Variants in FAT4 observed in about 807,000 individuals in gnomAD.
FAT4 encodes the protein protocadherin Fat 4.
FAT4 carries 84 observed loss-of-function variants against 303.9 expected under a neutral mutation model. That is an observed-to-expected ratio of 0.28 (90% CI 0.23 to 0.33). The LOEUF (loss-of-function observed/expected upper bound fraction) is 0.33. FAT4 is among the 10% of genes least tolerant of loss of function. The probability of loss-of-function intolerance (pLI) is 1.00; values close to 1 mark genes in which losing one functional copy is unlikely to be tolerated. For synonymous variants in FAT4, 2,307 were observed against 2,298.8 expected, an observed-to-expected ratio of 1.00 and a Z score of -0.10; for missense variants, 6,005 against 6,146.8, an observed-to-expected ratio of 0.98 and a Z score of 0.77.
chr4:125,422,347 G>A (rs1724932404), intron 7 of FAT4, among the ~76,000 whole-genome samples: 1 of 152,270 alleles, frequency 6.6e-6, no homozygotes, highest in East Asian at 1.9e-4. Context: ...GTTTGCCTGT[G>A]TGTCCACCAA....
At chr4:125,365,285 G>A (rs1732833773) in intron 2 of FAT4, among the ~76,000 whole-genome samples, 1 of 152,144 alleles carries the variant, frequency 6.6e-6, no homozygotes, top group Admixed American at 6.5e-5. Context: ...GAGCACAACA[G>A]AGAAGTCTAG....
intron 8 of FAT4, among the ~76,000 whole-genome samples, chr4:125,436,049 G>T (rs1417112243): frequency 6.7e-6 from 1 of 149,682 alleles, no homozygotes; most frequent in Non-Finnish European, 1.5e-5. Context: ...ATGGGGTCGG[G>T]GGAGGGGGGG....
At position 125,468,673 on chromosome 4, in the gene FAT4, G is replaced by A. The variant is rs372001379; in HGVS notation, c.12067G>A (p.Asp4023Asn). 6.8e-6 allele frequency: 11 copies of A among 1,614,074 alleles called. No homozygotes were observed. The highest frequency in any genetic ancestry group is 1.7e-5 in the Admixed American group (1 of 59,996). ...LLYNYDNQTGDRAEFLALEIA... is the reference protein window; with the variant it reads ...LLYNYDNQTGNRAEFLALEIA... ...TTACAACTATGACAACCAGACAGGC[G>A]ACCGGGCTGAGTTTTTGGCCCTTGA... The change falls in exon 12 of 18, where the codon GAC becomes AAC. Residue 4023 changes from aspartate to asparagine, a missense_variant. Asp to Asn is a conservative substitution (Grantham distance 23). Transcript: ENST00000394329.
chr4:125,472,271 A>G (rs1726891395), intron 12 of FAT4, among the ~76,000 whole-genome samples: 1 of 152,278 alleles, frequency 6.6e-6, no homozygotes, highest in Non-Finnish European at 1.5e-5. Context: ...GGCAATCTTT[A>G]AAATATATGA....
chr4:125,456,845 T>A (rs990523812), intron 10 of FAT4, among the ~76,000 whole-genome samples: 1 of 152,144 alleles, frequency 6.6e-6, no homozygotes, highest in South Asian at 2.1e-4. Flanking sequence ...AATGATTTTT[T>A]AAAAAATTAC....
At position 125,316,365 on chromosome 4, in the gene FAT4, T is replaced by G. The variant is rs758678446; in HGVS notation, c.-12-35T>G. On this transcript the variant is annotated intron_variant, in intron 1 of 17. Coordinates refer to ENST00000394329, the MANE Select transcript of FAT4 (RefSeq NM_001291303.3). The surrounding 1 kb of genome is among the most constrained non-coding windows in gnomAD (Gnocchi z 5.7). ...TCCCTGTAAATATCATTGCGTTTGC[T>G]TCACCCCTTCCTTCTCTTTATCACA... 1 of 1,544,868 alleles carries G rather than the reference T, an allele frequency of 6.5e-7. No homozygotes were observed. The highest frequency in any genetic ancestry group is 8.7e-7 in the Non-Finnish European group (1 of 1,145,694).
intron 7 of FAT4, among the ~76,000 whole-genome samples, chr4:125,419,876 A>G (rs1294076230): frequency 3.3e-5 from 5 of 152,236 alleles, no homozygotes; most frequent in African/African-American, 9.6e-5. Context: ...TCTTGAAAGC[A>G]GTTGCTAAAC....
In FAT4 at chr4:125,416,497, T is replaced by G. The variant is rs1332784161; in HGVS notation, c.6893T>G (p.Val2298Gly). 1 of 1,613,884 alleles carries G rather than the reference T, an allele frequency of 6.2e-7. No individual in the cohort carries two copies. The highest frequency in any genetic ancestry group is 8.5e-7 in the Non-Finnish European group (1 of 1,179,912). The change falls in exon 7 of 18, where the codon GTT becomes GGT. Residue 2298 changes from valine (V) to glycine (G), a missense_variant. Physicochemically the swap from Val to Gly is moderately radical, Grantham distance 109 (BLOSUM62 -3). Transcript: ENST00000394329. ...GGATCTAACAGCAAACTCTCATATG[T>G]TCTGTTTGGTGGTAATGAAGACAAT... ...DRGSNSKLSY[V>G]LFGGNEDNAF... is the part of the protein sequence containing the mutation.
At chr4:125,487,243 A>C (rs1162836154) in intron 16 of FAT4, 102 bp from the exon 17 acceptor site, 3 of 986,948 alleles carry the variant, frequency 3.0e-6, no homozygotes, top group African/African-American at 1.7e-5. Context: ...CAGCTATTCT[A>C]TCTGCTGTGG....
In FAT4 at chr4:125,451,078, G is replaced by C; in HGVS notation, c.10068G>C (p.Gln3356His). The C allele has an allele frequency of 6.2e-7, 1 of 1,614,126 alleles. No individual in the cohort carries two copies. ...KGFQINKKTG[Q>H]IYVSGILDRE... The stretch of plus-strand genomic sequence containing the variant: ...TCCAGATCAATAAGAAGACTGGACA[G>C]ATTTATGTTTCTGGAATTCTTGATC... Residue 3356 changes from glutamine (Q) to histidine (H), a missense_variant, in exon 10 of 18, where the codon CAG becomes CAC. Gln to His is a conservative substitution (Grantham distance 24). Coordinates refer to ENST00000394329, the MANE Select transcript of FAT4 (RefSeq NM_001291303.3).
At chr4:125,423,904 A>G (rs1305252491) in intron 7 of FAT4, among the ~76,000 whole-genome samples, 2 of 152,210 alleles carry the variant, frequency 1.3e-5, no homozygotes, top group Non-Finnish European at 2.9e-5. Flanking sequence ...AGGGGCCTGT[A>G]GCCCCTTCAT....
At chr4:125,334,526 A>C (rs1385125186) in intron 2 of FAT4, among the ~76,000 whole-genome samples, 1 of 152,212 alleles carries the variant, frequency 6.6e-6, no homozygotes, top group African/African-American at 2.4e-5. Flanking sequence ...TCCTGTCTTC[A>C]AATTAAAAAA....
intron 2 of FAT4, among the ~76,000 whole-genome samples, chr4:125,365,259 A>G (rs1400736228): frequency 1.3e-5 from 2 of 152,182 alleles, no homozygotes; most frequent in African/African-American, 4.8e-5. Context: ...CAGCAGGCAG[A>G]TGGATATGTG....
At chr4:125,427,786 T>C (rs1725134990) in intron 7 of FAT4, among the ~76,000 whole-genome samples, 1 of 152,196 alleles carries the variant, frequency 6.6e-6, no homozygotes, top group Non-Finnish European at 1.5e-5. Context: ...GAAAATGGCT[T>C]TGTTGCAAAG....
chr4:125,345,853 G>A (rs991142104), intron 2 of FAT4, among the ~76,000 whole-genome samples: 1 of 152,078 alleles, frequency 6.6e-6, no homozygotes, highest in Non-Finnish European at 1.5e-5. Context: ...CCTAGCCAAA[G>A]AGAACGGTAT....
rs1727063661 is a variant in FAT4 at position 125,477,320 on chromosome 4, A to G, written c.12465A>G (p.Gln4155=). ...AACCCAGCCAAGCTTTGGCAGCACA[A>G]GGCATCCTAGATCAGTATGGCGATT... ...PLEPSQALAA[Q]GILDQCPRLE... Residue 4155 remains glutamine (Q), a synonymous_variant, in exon 14 of 18, where the codon CAA becomes CAG. Coordinates refer to ENST00000394329, the MANE Select transcript of FAT4 (RefSeq NM_001291303.3). The G allele has an allele frequency of 1.3e-6, 2 of 1,580,118 alleles. No homozygotes were observed. Among genetic ancestry groups the G allele is most frequent in the East Asian group, 2.3e-5 (1 of 43,172 alleles).
Position 125,373,879 on chromosome 4 carries a change from AT to A in FAT4, c.5176-24902del, listed in dbSNP as rs1174691084. Among the ~76,000 whole-genome samples, 4 of 152,194 alleles carry A rather than the reference AT, an allele frequency of 2.6e-5. No individual in the cohort carries two copies. In the East Asian group the frequency reaches 7.7e-4, roughly 29 times the overall value. ...GCAAGAAACCATTGTTTAATATGTA[AT>A]TTCAAACATCTAGATGAAGAAAATA... On this transcript the variant is annotated intron_variant, in intron 2 of 17. Transcript: ENST00000394329.
intron 2 of FAT4, among the ~76,000 whole-genome samples, chr4:125,367,904 A>G (rs1732946332): frequency 6.6e-6 from 1 of 152,120 alleles, no homozygotes; most frequent in African/African-American, 2.4e-5. Flanking sequence ...TGGAAGTTCT[A>G]CTCTGACTCA....
chr4:125,462,998 A>G (rs1451650870), intron 10 of FAT4, among the ~76,000 whole-genome samples: 1 of 152,046 alleles, frequency 6.6e-6, no homozygotes, highest in Non-Finnish European at 1.5e-5. Flanking sequence ...AAGACAAAGT[A>G]TACATAATCT....
Sources: allele counts gnomAD v4.1 joint callset (sites outside exome capture counted in the v4.1 genomes callset), GRCh38; gene constraint gnomAD v4.1.1; non-coding constraint Gnocchi (gnomAD v3.1); transcripts MANE v1.5; gene names NCBI Gene and HGNC (gene_info 2026-07-23, HGNC 2026-07-21).